The following LHFPL3 variants were observed in gnomAD, a reference collection of about 807,000 sequenced individuals.
LHFPL3 encodes the protein LHFPL tetraspan subfamily member 3 protein.
LHFPL3 carries 5 observed loss-of-function variants against 19.3 expected under a neutral mutation model. That is an observed-to-expected ratio of 0.26 (90% CI 0.14 to 0.54). The LOEUF (loss-of-function observed/expected upper bound fraction) is 0.54, where lower values mean the gene tolerates loss of function less well. Among genes scored for constraint, LHFPL3 ranks in the 20% least tolerant of loss-of-function variants. The probability of loss-of-function intolerance (pLI) is 0.94; values close to 1 mark genes in which losing one functional copy is unlikely to be tolerated. For missense variants in LHFPL3, 249 were observed against 307.4 expected (o/e 0.81, Z 1.42); for synonymous variants, 133 against 126.2 (o/e 1.05, Z -0.36).
chr7:104,555,291 C>T (rs767903162), intron 1 of LHFPL3, among the ~76,000 whole-genome samples: 17 of 152,090 alleles, frequency 1.1e-4, no homozygotes, highest in Non-Finnish European at 2.4e-4. Flanking sequence ...AAAAGAGAAC[C>T]CAGAGAGCAT....
intron 1 of LHFPL3, among the ~76,000 whole-genome samples, chr7:104,616,088 A>G (rs1475154488): frequency 6.6e-6 from 1 of 152,190 alleles, no homozygotes; most frequent in East Asian, 1.9e-4. Flanking sequence ...ATTCAATGCT[A>G]TCCCCATCAA....
chr7:104,885,046 G>T (rs1792123425), intron 2 of LHFPL3, among the ~76,000 whole-genome samples: 1 of 152,228 alleles, frequency 6.6e-6, no homozygotes, highest in Admixed American at 6.5e-5. Context: ...ATAGCACTCA[G>T]TGCTGAAGAT....
chr7:104,684,863 G>T (rs537243322), intron 1 of LHFPL3, among the ~76,000 whole-genome samples: 13 of 152,268 alleles, frequency 8.5e-5, no homozygotes, highest in Non-Finnish European at 1.9e-4. Flanking sequence ...TGAAAACTCT[G>T]CCCAGTGGGT....
intron 2 of LHFPL3, among the ~76,000 whole-genome samples, chr7:104,872,685 A>G (rs1464923256): frequency 2.6e-5 from 4 of 152,082 alleles, no homozygotes; most frequent in Non-Finnish European, 5.9e-5. Context: ...AGGAACATCA[A>G]TATCACTATC....
chr7:104,781,164 G>C (rs1251723891), intron 2 of LHFPL3, among the ~76,000 whole-genome samples: 1 of 152,078 alleles, frequency 6.6e-6, no homozygotes, highest in East Asian at 1.9e-4. Flanking sequence ...AATTTTCTTT[G>C]TTTCTCTGCT....
Position 104,526,529 on chromosome 7 carries a change from A to C in LHFPL3, c.445+197305A>C, listed in dbSNP as rs144455087. Among the ~76,000 whole-genome samples, 443 of 152,370 alleles carry C rather than the reference A, an allele frequency of 2.9e-3. 4 individuals are homozygous for C. Among genetic ancestry groups the C allele is most frequent in the African/African-American group, 9.5e-3 (396 of 41,596 alleles). ...TGTAAGTAAATAATGGCCAGTGCCA[A>C]CTTGAAAATGAATTTTTAAAAGCCC... On this transcript the variant is annotated intron_variant, in intron 1 of 2. Transcript: ENST00000424859.
chr7:104,559,984 A>C lies in LHFPL3; in HGVS notation c.446-176691A>C, dbSNP rs561214700. Among the ~76,000 whole-genome samples, 46 of 150,360 alleles carry C rather than the reference A, an allele frequency of 3.1e-4. No individual in the cohort carries two copies. The East Asian group carries it at 8.7e-3, about 28-fold the overall frequency. ...TCTGTTTATATGCTGGATTACATTTATTGATTTGCGTATATTGAACCAGCC... is the reference window on the plus strand; with the variant it reads ...TCTGTTTATATGCTGGATTACATTTCTTGATTTGCGTATATTGAACCAGCC... On this transcript the variant is annotated intron_variant, in intron 1 of 2. Transcript: ENST00000424859.
chr7:104,600,792 G>C (rs146111462), intron 1 of LHFPL3, among the ~76,000 whole-genome samples: 1 of 152,226 alleles, frequency 6.6e-6, no homozygotes, highest in Non-Finnish European at 1.5e-5. Context: ...TTGGAGTCAC[G>C]ATTCCTATAA....
intron 1 of LHFPL3, among the ~76,000 whole-genome samples, chr7:104,343,541 A>AAAAAAAAAAAAAAAAAC (rs1790001963): frequency 7.9e-6 from 1 of 127,186 alleles, no homozygotes; most frequent in Non-Finnish European, 1.6e-5. Context: ...AAAAAAAAAA[A>AAAAAAAAAAAAAAAAAC]AAAAAAAAAA....
intron 1 of LHFPL3, among the ~76,000 whole-genome samples, chr7:104,636,518 C>T (rs1452078261): frequency 6.6e-6 from 1 of 152,046 alleles, no homozygotes; most frequent in Non-Finnish European, 1.5e-5. Context: ...TTTCCTGATA[C>T]TCTCCTTCCT....
At chr7:104,402,177 G>A (rs1032255357) in intron 1 of LHFPL3, among the ~76,000 whole-genome samples, 2 of 151,566 alleles carry the variant, frequency 1.3e-5, no homozygotes, top group Admixed American at 1.3e-4. Flanking sequence ...TACTTCCACT[G>A]AAAGTGCTGC....
intron 2 of LHFPL3, among the ~76,000 whole-genome samples, chr7:104,885,786 C>G (rs1792135833): frequency 2.6e-5 from 4 of 152,078 alleles, no homozygotes; most frequent in Admixed American, 2.0e-4. Context: ...CTCCCCTTCT[C>G]CCCACCCTTC....
intron 2 of LHFPL3, among the ~76,000 whole-genome samples, chr7:104,822,588 A>G (rs1439618137): frequency 6.6e-6 from 1 of 152,186 alleles, no homozygotes; most frequent in Non-Finnish European, 1.5e-5. Context: ...TCATTGCCAC[A>G]TGAGAGTGAA....
chr7:104,873,733 G>A (rs116229204), intron 2 of LHFPL3, among the ~76,000 whole-genome samples: 187 of 152,244 alleles, frequency 1.2e-3, no homozygotes, highest in Admixed American at 2.3e-3. Flanking sequence ...TTTTCTTTCC[G>A]TCTGTATACA....
intron 1 of LHFPL3, among the ~76,000 whole-genome samples, chr7:104,514,654 C>G (rs182928176): frequency 6.5e-4 from 99 of 152,294 alleles, no homozygotes; most frequent in Admixed American, 7.2e-4. Flanking sequence ...GAGCTGGAAA[C>G]TGGTGTGAAC....
chr7:104,900,997 T>C (rs1486245207), intron 2 of LHFPL3, among the ~76,000 whole-genome samples: 2 of 152,196 alleles, frequency 1.3e-5, no homozygotes, highest in Non-Finnish European at 2.9e-5. Context: ...GCATGGGAAA[T>C]GTTAGCCAAG....
At chr7:104,752,957 A>G (rs1794204786) in intron 2 of LHFPL3, among the ~76,000 whole-genome samples, 1 of 152,240 alleles carries the variant, frequency 6.6e-6, no homozygotes, top group Admixed American at 6.5e-5. Context: ...ATGAACTGAT[A>G]TTGACACATT....
chr7:104,874,544 A>C (rs946950380), intron 2 of LHFPL3, among the ~76,000 whole-genome samples: 3 of 151,918 alleles, frequency 2.0e-5, no homozygotes, highest in Admixed American at 6.6e-5. Flanking sequence ...ACAGGCATGC[A>C]TCACCACACC....
intron 1 of LHFPL3, among the ~76,000 whole-genome samples, chr7:104,606,459 G>T (rs182317320): frequency 6.6e-6 from 1 of 152,186 alleles, no homozygotes; most frequent in African/African-American, 2.4e-5. Context: ...TCTGTCTTTT[G>T]TGAGGTTGGC....
Sources: allele counts gnomAD v4.1 joint callset (sites outside exome capture counted in the v4.1 genomes callset), GRCh38; gene constraint gnomAD v4.1.1; transcripts MANE v1.5; gene names NCBI Gene and HGNC (gene_info 2026-07-23, HGNC 2026-07-21).